The following PARD3B variants were observed in gnomAD, a reference collection of about 807,000 sequenced individuals.
The protein encoded by PARD3B is partitioning defective 3 homolog B.
A neutral mutation model predicts 130.2 loss-of-function variants in PARD3B; 103 were observed. The ratio of observed to expected loss-of-function variants is 0.79; its 90% confidence interval spans 0.67 to 0.93. The LOEUF (loss-of-function observed/expected upper bound fraction) is 0.93. Among genes scored for constraint, PARD3B ranks in the 40% least tolerant of loss-of-function variants. The pLI is 0.00. For missense variants in PARD3B, 1,609 were observed against 1,499.2 expected (o/e 1.07, Z -1.21); for synonymous variants, 583 against 553.2 (o/e 1.05, Z -0.76).
intron 2 of PARD3B, among the ~76,000 whole-genome samples, chr2:204,964,343 G>A (rs1182763593): frequency 6.6e-6 from 1 of 152,154 alleles, no homozygotes; most frequent in African/African-American, 2.4e-5. Context: ...AGTAGTGTCT[G>A]TGTGATTACT....
chr2:205,120,592 G>A (rs2030574416), intron 7 of PARD3B, among the ~76,000 whole-genome samples: 1 of 152,172 alleles, frequency 6.6e-6, no homozygotes, highest in Admixed American at 6.5e-5. Flanking sequence ...ACGTGGAAGA[G>A]GGCACTCCAC....
chr2:205,056,604 G>C (rs1166541904), intron 4 of PARD3B, among the ~76,000 whole-genome samples: 1 of 151,100 alleles, frequency 6.6e-6, no homozygotes, highest in Non-Finnish European at 1.5e-5. Context: ...AAAAAAAATT[G>C]CTACTTTTAG....
At chr2:205,492,359 T>A (rs776159050) in intron 20 of PARD3B, among the ~76,000 whole-genome samples, 3 of 152,142 alleles carry the variant, frequency 2.0e-5, no homozygotes, top group Non-Finnish European at 2.9e-5. Flanking sequence ...TATAGGCAAT[T>A]ATAGTAAACA....
Position 204,995,486 on chromosome 2 carries a change from C to T in PARD3B, c.394+30163C>T, listed in dbSNP as rs912887149. 3.8e-3 allele frequency among the ~76,000 whole-genome samples: 564 copies of T among 149,604 alleles called. 4 individuals carry two copies. The highest frequency in any genetic ancestry group is 0.013 in the African/African-American group (522 of 40,434). Reference sequence around the variant, plus strand: ...GATGGGCTTCCCTTTGAGGGTAACCCGACCTTTCTCTCTGACTGCCCTTAA... The same window carrying T: ...GATGGGCTTCCCTTTGAGGGTAACCTGACCTTTCTCTCTGACTGCCCTTAA... On this transcript the variant is annotated intron_variant, in intron 3 of 22. Coordinates refer to ENST00000406610, the MANE Select transcript of PARD3B (RefSeq NM_001302769.2).
chr2:205,577,973 G>A (rs978627145), intron 22 of PARD3B, among the ~76,000 whole-genome samples: 2 of 152,204 alleles, frequency 1.3e-5, no homozygotes, highest in Admixed American at 1.3e-4. Flanking sequence ...AGTTTAGGCT[G>A]CAGGCATATA....
intron 21 of PARD3B, among the ~76,000 whole-genome samples, chr2:205,510,148 A>G (rs2050534785): frequency 6.6e-6 from 1 of 152,156 alleles, no homozygotes; most frequent in South Asian, 2.1e-4. Context: ...AATTTATTTT[A>G]CCTGTCTCCT....
chr2:205,460,310 A>C lies in PARD3B; in HGVS notation c.3044+19638A>C, dbSNP rs1485024853. Among the ~76,000 whole-genome samples, 2 of 152,100 alleles carry C rather than the reference A, an allele frequency of 1.3e-5. No homozygotes were observed. Among genetic ancestry groups the C allele is most frequent in the East Asian group, 1.9e-4 (1 of 5,192 alleles). On this transcript the variant is annotated intron_variant, in intron 20 of 22. Coordinates refer to ENST00000406610, the MANE Select transcript of PARD3B (RefSeq NM_001302769.2). The surrounding 1 kb of genome is among the most constrained non-coding windows in gnomAD (Gnocchi z 4.9). ...GTATTTCTCTAAACTATATCAGATA[A>C]AGGATGCCCAGAATTTGCTCAGATG...
rs2038713059 is a variant in PARD3B, at chr2:205,229,214, G to T, written c.2141-16564G>T. On this transcript the variant is annotated intron_variant, in intron 15 of 22. Coordinates refer to ENST00000406610, the MANE Select transcript of PARD3B (RefSeq NM_001302769.2). This position sits in a 1 kb window ranked among gnomAD's most constrained non-coding sequence, Gnocchi z 5.2. ...ATTGAAGAGTTAGGTATTTATTGTA[G>T]TCTTTGCAGTCTGGGCTTGTTGTAC... Among the ~76,000 whole-genome samples the T allele has an allele frequency of 6.6e-6, 1 of 152,180 alleles. No homozygotes were observed. The highest frequency in any genetic ancestry group is 1.5e-5 in the Non-Finnish European group (1 of 68,032).
At chr2:205,449,904 A>G (rs2048039844) in intron 20 of PARD3B, among the ~76,000 whole-genome samples, 1 of 152,224 alleles carries the variant, frequency 6.6e-6, no homozygotes, top group Non-Finnish European at 1.5e-5. Context: ...ACAATATAAT[A>G]TGTTCCATTA....
chr2:204,888,289 AC>A (rs2046329148), intron 2 of PARD3B, among the ~76,000 whole-genome samples: 1 of 152,204 alleles, frequency 6.6e-6, no homozygotes, highest in Non-Finnish European at 1.5e-5. Context: ...GTGGCAAGTG[AC>A]AGTGATGCAG....
intron 20 of PARD3B, among the ~76,000 whole-genome samples, chr2:205,457,941 A>G (rs993014582): frequency 2.0e-5 from 3 of 152,232 alleles, no homozygotes; most frequent in Non-Finnish European, 4.4e-5. Flanking sequence ...TGCTCAAACA[A>G]TAAGTATATA....
intron 2 of PARD3B, among the ~76,000 whole-genome samples, chr2:204,960,126 G>A (rs888331600): frequency 6.6e-6 from 1 of 152,174 alleles, no homozygotes; most frequent in African/African-American, 2.4e-5. Flanking sequence ...CTTATGACGT[G>A]CCTCTTCAGG....
At chr2:205,192,313 T>A (rs2036440034) in intron 14 of PARD3B, among the ~76,000 whole-genome samples, 1 of 152,210 alleles carries the variant, frequency 6.6e-6, no homozygotes, top group African/African-American at 2.4e-5. Flanking sequence ...CTTTAGATTT[T>A]GTAAGGATAC....
intron 10 of PARD3B, among the ~76,000 whole-genome samples, chr2:205,134,336 A>G (rs2032282314): frequency 6.8e-6 from 1 of 146,696 alleles, no homozygotes; most frequent in Non-Finnish European, 1.5e-5. Context: ...CAGGCTGGAC[A>G]ACATGGTGAA....
At chr2:204,567,466 C>T (rs996889243) in intron 1 of PARD3B, among the ~76,000 whole-genome samples, 1 of 152,198 alleles carries the variant, frequency 6.6e-6, no homozygotes, top group South Asian at 2.1e-4. Flanking sequence ...CGTGCACTAT[C>T]TGTCCTTTTG....
At chr2:205,487,800 T>G (rs917002054) in intron 20 of PARD3B, among the ~76,000 whole-genome samples, 3 of 152,350 alleles carry the variant, frequency 2.0e-5, no homozygotes, top group Middle Eastern at 3.4e-3. Context: ...TTCTTAAAAC[T>G]CAACTGTGTT....
In PARD3B at chr2:205,617,217, A is replaced by T. The variant is rs2055464942; in HGVS notation, c.*1404A>T. On this transcript the variant is annotated 3_prime_UTR_variant, in exon 23 of 23. Transcript: ENST00000406610. ...CTATGGAAACTAAAACCTCTAAAACATACAAGCTGGCCCAAATGAGAACAC... is the reference window on the plus strand; with the variant it reads ...CTATGGAAACTAAAACCTCTAAAACTTACAAGCTGGCCCAAATGAGAACAC... The T allele has an allele frequency of 6.5e-6, 1 of 153,326 alleles. No individual in the cohort carries two copies. Among genetic ancestry groups the T allele is most frequent in the African/African-American group, 2.4e-5 (1 of 41,510 alleles). 9.5% of individuals were successfully genotyped at this position (153,326 alleles called of 1,614,324 possible). A position where few individuals can be genotyped will look rare whatever the true frequency, so the allele number is the denominator to read the frequency against.
rs1425337367 is a variant in PARD3B, at chr2:205,405,929, CA to C, written c.2741+4810del. Among the ~76,000 whole-genome samples, 1 of 152,160 alleles carries C rather than the reference CA, an allele frequency of 6.6e-6. No individual in the cohort carries two copies. The highest frequency in any genetic ancestry group is 1.5e-5 in the Non-Finnish European group (1 of 68,026). ...TGAGTCAACATGTGGATATGCCTGC[CA>C]AAAGCTTAATCTGGTCCTAAGCTAC... is the stretch of plus-strand genomic sequence containing the variant. On this transcript the variant is annotated intron_variant, in intron 19 of 22. Transcript: ENST00000406610. The surrounding 1 kb of genome is among the most constrained non-coding windows in gnomAD (Gnocchi z 4.1).
chr2:204,837,891 CT>C (rs2044107732), intron 2 of PARD3B, among the ~76,000 whole-genome samples: 1 of 152,144 alleles, frequency 6.6e-6, no homozygotes, highest in South Asian at 2.1e-4. Flanking sequence ...TCCTACCTAA[CT>C]TTTGTTTCTA....
Sources: allele counts gnomAD v4.1 joint callset (sites outside exome capture counted in the v4.1 genomes callset), GRCh38; gene constraint gnomAD v4.1.1; non-coding constraint Gnocchi (gnomAD v3.1); transcripts MANE v1.5; gene names NCBI Gene and HGNC (gene_info 2026-07-23, HGNC 2026-07-21).